The following RIPK1 variants were observed in gnomAD, a reference collection of about 807,000 sequenced individuals.
RIPK1 encodes receptor-interacting serine/threonine-protein kinase 1.
Under a neutral mutation model 62.4 loss-of-function variants are expected in RIPK1, and 27 were observed. The ratio of observed to expected loss-of-function variants is 0.43; its 90% CI spans 0.32 to 0.60. RIPK1 has a LOEUF of 0.60. Ranked by LOEUF, RIPK1 falls within the 20% of genes least tolerant of loss-of-function variation. RIPK1 has a pLI of 0.07. For missense variants in RIPK1, 735 were observed against 831.0 expected, an observed-to-expected ratio of 0.88 and a Z score of 1.42; for synonymous variants, 287 against 303.2, an observed-to-expected ratio of 0.95 and a Z score of 0.55.
intron 7 of RIPK1, among the ~76,000 whole-genome samples, chr6:3,099,465 A>G (rs1481756318): frequency 6.6e-6 from 1 of 152,170 alleles, no homozygotes; most frequent in African/African-American, 2.4e-5. Flanking sequence ...AATGGTGTGA[A>G]CCCAGGAGGC....
intron 9 of RIPK1, among the ~76,000 whole-genome samples, chr6:3,107,715 A>G (rs1313453035): frequency 6.6e-6 from 1 of 152,052 alleles, no homozygotes; most frequent in African/African-American, 2.4e-5. Context: ...CCCTAAACCA[A>G]TATTTAATGT....
At chr6:3,068,749 C>G in intron 1 of RIPK1, 88 bp downstream of exon 1, 6 of 802,492 alleles carry the variant, frequency 7.5e-6, no homozygotes, top group Non-Finnish European at 6.0e-6. Flanking sequence ...CGCGCGCCCT[C>G]CCCCAGCACG....
intron 1 of RIPK1, among the ~76,000 whole-genome samples, chr6:3,070,208 G>A (rs1432482064): frequency 6.6e-6 from 1 of 152,174 alleles, no homozygotes; most frequent in Non-Finnish European, 1.5e-5. Flanking sequence ...TCTGGAATGT[G>A]AATATTAATG....
intron 1 of RIPK1, among the ~76,000 whole-genome samples, chr6:3,070,484 C>G (rs1020589980): frequency 6.6e-6 from 1 of 152,216 alleles, no homozygotes; most frequent in Non-Finnish European, 1.5e-5. Flanking sequence ...GTCACCCAGG[C>G]TGGAGTGCAG....
Position 3,083,138 on chromosome 6 carries a change from A to T in RIPK1, c.513A>T (p.Glu171Asp). The T allele has an allele frequency of 6.2e-7, 1 of 1,614,070 alleles. No homozygotes were observed. The highest frequency in any genetic ancestry group is 8.5e-7 in the Non-Finnish European group (1 of 1,179,942). The change falls in exon 5 of 11, where the codon GAA (glutamate) becomes GAT (aspartate). Residue 171 changes from glutamate to aspartate, a missense_variant. By Grantham distance (45) the Glu-to-Asp change is conservative. Around this residue, in one of 2 missense-constraint regions of RIPK1, gnomAD observed 671 missense variants for 726.2 expected, o/e 0.92. Coordinates refer to ENST00000259808, the MANE Select transcript of RIPK1 (RefSeq NM_001354930.2). ...SFKMWSKLNNEEHNELREVDG... is the reference protein window; with the variant it reads ...SFKMWSKLNNDEHNELREVDG... ...AGATGTGGAGCAAACTGAATAATGA[A>T]GAGCACAATGAGCTGAGGGAAGTGG... is the stretch of plus-strand genomic sequence containing the variant.
intron 9 of RIPK1, among the ~76,000 whole-genome samples, chr6:3,109,307 G>A (rs948498880): frequency 1.3e-5 from 2 of 152,126 alleles, no homozygotes; most frequent in Admixed American, 1.3e-4. Context: ...CTCACAAGCA[G>A]GGAGAAGCAC....
At chr6:3,065,963 A>T (rs554153973), upstream of RIPK1, among the ~76,000 whole-genome samples, 10 of 152,306 alleles carry the variant, frequency 6.6e-5, no homozygotes, top group East Asian at 1.9e-3. Flanking sequence ...TGTCTAGAGG[A>T]CAGTGATGGG....
chr6:3,108,344 T>C (rs1489881126), intron 9 of RIPK1, among the ~76,000 whole-genome samples: 2 of 152,124 alleles, frequency 1.3e-5, no homozygotes, highest in African/African-American at 4.8e-5. Flanking sequence ...TGAAAATTTA[T>C]ATATTATCAG....
chr6:3,068,771 C>A (rs1482723257), intron 1 of RIPK1, 110 bp downstream of exon 1: 2 of 619,072 alleles, frequency 3.2e-6, no homozygotes, highest in Non-Finnish European at 4.0e-6. Context: ...CCGGGCAAGG[C>A]TGCCGCGGCG....
chr6:3,080,794 C>A (rs1474445143), intron 3 of RIPK1, among the ~76,000 whole-genome samples, 185 bp from the exon 4 acceptor site: 1 of 145,758 alleles, frequency 6.9e-6, no homozygotes, highest in Non-Finnish European at 1.5e-5. Flanking sequence ...ACACGAATAC[C>A]CTCTGCCCCC....
At chr6:3,087,756 G>T (rs373814607) in intron 6 of RIPK1, among the ~76,000 whole-genome samples, 1 of 149,980 alleles carries the variant, frequency 6.7e-6, no homozygotes, top group Non-Finnish European at 1.5e-5. Flanking sequence ...AGCCAGGATG[G>T]TCTCCATCTC....
At chr6:3,096,201 G>A (rs938343163) in intron 7 of RIPK1, among the ~76,000 whole-genome samples, 2 of 152,088 alleles carry the variant, frequency 1.3e-5, no homozygotes, top group East Asian at 3.8e-4. Context: ...GGTCAGCCTG[G>A]TACTGGAGGC....
intron 1 of RIPK1, among the ~76,000 whole-genome samples, chr6:3,071,696 A>G (rs1758719922): frequency 6.6e-6 from 1 of 152,204 alleles, no homozygotes; most frequent in African/African-American, 2.4e-5. Context: ...CAGAAGATGC[A>G]GAAGATTAAC....
intron 4 of RIPK1, 43 bp from the exon 5 acceptor site, chr6:3,083,042 C>A: frequency 6.3e-7 from 1 of 1,577,928 alleles, no homozygotes; most frequent in South Asian, 1.1e-5. Flanking sequence ...GATTTGCTTA[C>A]GGCCTTCACC....
At chr6:3,073,493 T>C (rs1167600671) in intron 1 of RIPK1, among the ~76,000 whole-genome samples, 1 of 152,160 alleles carries the variant, frequency 6.6e-6, no homozygotes, top group Non-Finnish European at 1.5e-5. Flanking sequence ...GCTCCTGGTC[T>C]CTTACCTCAC....
Position 3,113,391 on chromosome 6 carries a change from C to T in RIPK1, c.*52C>T, listed in dbSNP as rs2113727508. The T allele has an allele frequency of 1.3e-6, 2 of 1,552,418 alleles. No individual in the cohort carries two copies. The highest frequency in any genetic ancestry group is 1.4e-5 in the African/African-American group (1 of 73,112). ...TGGACGCCTCACTTAGTGGATAACC[C>T]CAGAAAGTTGGCTGCCTCAGAGCAT... On this transcript the variant is annotated 3_prime_UTR_variant, in exon 11 of 11. Coordinates refer to ENST00000259808, the MANE Select transcript of RIPK1 (RefSeq NM_001354930.2). This position sits in a 1 kb window ranked among gnomAD's most constrained non-coding sequence, Gnocchi z 5.0.
In RIPK1 at chr6:3,106,011, A is replaced by C. The variant is rs182050801; in HGVS notation, c.1536A>C (p.Gly512=). Residue 512 remains glycine (G), a synonymous_variant, in exon 9 of 11, where the codon GGA becomes GGC. Transcript: ENST00000259808. ...NIPVPETNYL[G]NTPTMPFSSL... ...CAGTGCCTGAGACCAACTATCTAGG[A>C]AATACACCCACCATGCCATTCAGCT... is the stretch of plus-strand genomic sequence containing the variant. 22 of 1,612,704 alleles carry C rather than the reference A, an allele frequency of 1.4e-5. No individual in the cohort carries two copies. Among genetic ancestry groups the C allele is most frequent in the Non-Finnish European group, 1.8e-5 (21 of 1,178,770 alleles).
chr6:3,076,910 G>A lies in RIPK1; in HGVS notation c.87G>A (p.Gly29=), dbSNP rs1759094135. ...ESAELDSGGF[G]KVSLCFHRTQ... is the part of the protein sequence containing the mutation. ...CAGAACTGGACAGCGGAGGCTTTGG[G>A]AAGGTGTCTCTGTGTTTCCACAGAA... The change falls in exon 2 of 11, where the codon GGG becomes GGA. Residue 29 remains glycine, a synonymous_variant. Coordinates refer to ENST00000259808, the MANE Select transcript of RIPK1 (RefSeq NM_001354930.2). 3.1e-6 allele frequency: 5 copies of A among 1,611,036 alleles called. No homozygotes were observed. Among genetic ancestry groups the A allele is most frequent in the Non-Finnish European group, 4.2e-6 (5 of 1,178,224 alleles).
At chr6:3,080,043 C>CCT (rs1437091767) in intron 3 of RIPK1, among the ~76,000 whole-genome samples, 1 of 152,184 alleles carries the variant, frequency 6.6e-6, no homozygotes, top group African/African-American at 2.4e-5. Flanking sequence ...AGAAGTTTTT[C>CCT]CTAAGTCCAA....
Sources: allele counts gnomAD v4.1 joint callset (sites outside exome capture counted in the v4.1 genomes callset), GRCh38; gene constraint gnomAD v4.1.1; regional missense constraint gnomAD v4.1.1; non-coding constraint Gnocchi (gnomAD v3.1); transcripts MANE v1.5; gene names NCBI Gene and HGNC (gene_info 2026-07-23, HGNC 2026-07-21).